Variants in TMEM272 observed in about 807,000 individuals in gnomAD.
The protein encoded by TMEM272 is long intergenic non-protein coding RNA 282.
Under a neutral mutation model 3.7 loss-of-function variants are expected in TMEM272, and 8 were observed. That is an observed-to-expected ratio of 2.17 (90% CI 1.27 to 3.91). TMEM272 has a LOEUF of 3.91. TMEM272 is among the 30% of genes most tolerant of loss of function. The pLI, the probability that TMEM272 is intolerant of heterozygous loss-of-function variation, is 0.00. For missense variants in TMEM272, 166 were observed against 91.5 expected (o/e 1.81, Z -3.32); for synonymous variants, 63 against 39.8 (o/e 1.58, Z -2.20).
At chr13:51,841,470 A>T (rs1956263219) in intron 1 of TMEM272, among the ~76,000 whole-genome samples, 1 of 152,196 alleles carries the variant, frequency 6.6e-6, no homozygotes, top group Non-Finnish European at 1.5e-5. Context: ...GAAACTAACG[A>T]GATGGGTCTG....
chr13:51,824,160 G>A (rs1956103465), intron 3 of TMEM272, among the ~76,000 whole-genome samples: 1 of 152,118 alleles, frequency 6.6e-6, no homozygotes, highest in African/African-American at 2.4e-5. Flanking sequence ...GTGCACAGAT[G>A]GCTTAAAACG....
chr13:51,883,859 T>C, the TMEM272 span, among the ~76,000 whole-genome samples: 1 of 152,216 alleles, frequency 6.6e-6, no homozygotes, highest in Non-Finnish European at 1.5e-5. Context: ...TTCTCCTCCA[T>C]CCATGTAAAG....
At chr13:51,904,707 C>A in the TMEM272 span, among the ~76,000 whole-genome samples, 2 of 152,168 alleles carry the variant, frequency 1.3e-5, no homozygotes, top group African/African-American at 4.8e-5. Flanking sequence ...AAAGGAAATG[C>A]TCATTGGAGC....
chr13:51,915,726 C>T, the TMEM272 span, among the ~76,000 whole-genome samples: 22 of 152,214 alleles, frequency 1.4e-4, no homozygotes, highest in Admixed American at 5.2e-4. Context: ...CTGAATAGAT[C>T]TCACTCATTC....
At chr13:51,822,501 A>G (rs1159381175) in intron 3 of TMEM272, among the ~76,000 whole-genome samples, 1 of 152,192 alleles carries the variant, frequency 6.6e-6, no homozygotes, top group Admixed American at 6.5e-5. Flanking sequence ...CTTTAAATAT[A>G]CGGTTTTCTT....
intron 3 of TMEM272, among the ~76,000 whole-genome samples, chr13:51,823,476 T>C (rs982308707): frequency 6.6e-6 from 1 of 152,264 alleles, no homozygotes; most frequent in African/African-American, 2.4e-5. Context: ...TTCTCAAGAT[T>C]GAAGCAGACT....
At chr13:51,891,880 C>A in the TMEM272 span, among the ~76,000 whole-genome samples, 1 of 152,036 alleles carries the variant, frequency 6.6e-6, no homozygotes, top group Non-Finnish European at 1.5e-5. Context: ...GGGGCAAGGG[C>A]AGTCAATAGA....
the TMEM272 span, among the ~76,000 whole-genome samples, chr13:51,882,375 T>C: frequency 2.6e-5 from 4 of 152,242 alleles, no homozygotes; most frequent in African/African-American, 9.6e-5. Flanking sequence ...AGCTTGTTTA[T>C]TGTCTGATCT....
At chr13:51,934,221 GGA>G in the TMEM272 span, 1 of 208,278 alleles carries the variant, frequency 4.8e-6, no homozygotes, top group Non-Finnish European at 9.9e-6. Context: ...CAAGCACACA[GGA>G]GAGAAAAGGA....
At chr13:51,904,316 G>C in the TMEM272 span, among the ~76,000 whole-genome samples, 1 of 152,176 alleles carries the variant, frequency 6.6e-6, no homozygotes, top group African/African-American at 2.4e-5. Flanking sequence ...AATTCAGGTA[G>C]CACTGGGCTA....
At chr13:51,846,341 T>C (rs891905706), upstream of TMEM272, among the ~76,000 whole-genome samples, 1 of 152,234 alleles carries the variant, frequency 6.6e-6, no homozygotes, top group Admixed American at 6.5e-5. Context: ...AAAATTCCTA[T>C]CACCTAGTGA....
chr13:51,818,286 C>G (rs1305509351), intron 4 of TMEM272, among the ~76,000 whole-genome samples: 3 of 152,144 alleles, frequency 2.0e-5, no homozygotes, highest in Non-Finnish European at 4.4e-5. Context: ...TAAAGAGAAG[C>G]AAGGATAAAA....
chr13:51,855,465 G>C, the TMEM272 span, among the ~76,000 whole-genome samples: 2 of 152,142 alleles, frequency 1.3e-5, no homozygotes, highest in Non-Finnish European at 2.9e-5. Context: ...GGGAAAAAAA[G>C]ACAAGAGAAA....
chr13:51,917,074 C>T, the TMEM272 span, among the ~76,000 whole-genome samples: 1 of 152,180 alleles, frequency 6.6e-6, no homozygotes, highest in Non-Finnish European at 1.5e-5. Context: ...GCTGACCAGG[C>T]GGACATTCAC....
the TMEM272 span, chr13:51,932,774 G>C: frequency 2.6e-5 from 4 of 152,102 alleles, no homozygotes; most frequent in East Asian, 7.7e-4. Context: ...CCATCTAAAA[G>C]GTTATTTTCT....
At chr13:51,845,779 C>T (rs12585495), upstream of TMEM272, among the ~76,000 whole-genome samples, 3 of 152,216 alleles carry the variant, frequency 2.0e-5, no homozygotes, top group African/African-American at 7.2e-5. Flanking sequence ...GCCAGAGATT[C>T]TTTATTGAAA....
chr13:51,851,978 A>G, the TMEM272 span, among the ~76,000 whole-genome samples: 1 of 152,240 alleles, frequency 6.6e-6, no homozygotes, highest in Non-Finnish European at 1.5e-5. Flanking sequence ...TCTTTCTGTA[A>G]TTGTGTACAT....
At chr13:51,916,330 T>C in the TMEM272 span, among the ~76,000 whole-genome samples, 6 of 152,194 alleles carry the variant, frequency 3.9e-5, no homozygotes, top group Non-Finnish European at 7.3e-5. Context: ...GCCTCTGTAC[T>C]CTGGTCTCAG....
intron 2 of TMEM272, among the ~76,000 whole-genome samples, chr13:51,837,909 T>A (rs1469775842): frequency 1.3e-5 from 2 of 152,210 alleles, no homozygotes; most frequent in African/African-American, 4.8e-5. Flanking sequence ...CCACATTTCA[T>A]CTGTAAAAGT....
Sources: allele counts gnomAD v4.1 joint callset (sites outside exome capture counted in the v4.1 genomes callset), GRCh38; gene constraint gnomAD v4.1.1; transcripts MANE v1.5; gene names NCBI Gene and HGNC (gene_info 2026-07-23, HGNC 2026-07-21).